The following CACNB2 variants were observed in gnomAD, a reference collection of about 807,000 sequenced individuals.
CACNB2 encodes calcium voltage-gated channel auxiliary subunit beta 2, also known as voltage-dependent L-type calcium channel subunit beta-2.
Under a neutral mutation model 73.3 loss-of-function variants are expected in CACNB2, and 42 were observed. That is an observed-to-expected ratio of 0.57 (90% confidence interval 0.45 to 0.74). CACNB2 has a LOEUF of 0.74. Ranked by LOEUF, CACNB2 falls within the 30% of genes least tolerant of loss-of-function variation. The probability of loss-of-function intolerance (pLI) is 0.00; values close to 1 mark genes in which losing one functional copy is unlikely to be tolerated. For synonymous variants in CACNB2, 348 were observed against 310.3 expected (o/e 1.12, Z -1.28); for missense variants, 940 against 853.0 (o/e 1.10, Z -1.27).
At chr10:18,181,177 A>G (rs2033858803) in intron 2 of CACNB2, among the ~76,000 whole-genome samples, 1 of 151,872 alleles carries the variant, frequency 6.6e-6, no homozygotes, top group South Asian at 2.1e-4. Context: ...CTTGCCCTCT[A>G]GAACTGTGCA....
chr10:18,442,119 C>G (rs752707402), intron 3 of CACNB2, among the ~76,000 whole-genome samples: 1 of 152,030 alleles, frequency 6.6e-6, no homozygotes, highest in Non-Finnish European at 1.5e-5. Context: ...GGATCTGTTC[C>G]TTGTAGTGGA....
At chr10:18,388,582 A>G (rs1460636531) in intron 2 of CACNB2, among the ~76,000 whole-genome samples, 1 of 152,182 alleles carries the variant, frequency 6.6e-6, no homozygotes, top group African/African-American at 2.4e-5. Flanking sequence ...AACCAAAGTC[A>G]TATCTTTCCA....
At chr10:18,384,369 C>A (rs2043138304) in intron 2 of CACNB2, among the ~76,000 whole-genome samples, 1 of 152,046 alleles carries the variant, frequency 6.6e-6, no homozygotes, top group Non-Finnish European at 1.5e-5. Flanking sequence ...AGAAAGGTAT[C>A]CCAAGTCTTT....
At chr10:18,143,986 T>C (rs2030700295) in intron 1 of CACNB2, among the ~76,000 whole-genome samples, 1 of 152,220 alleles carries the variant, frequency 6.6e-6, no homozygotes, top group Non-Finnish European at 1.5e-5. Context: ...AGCATCCTGA[T>C]ACATTCCGGT....
At chr10:18,362,801 G>C (rs1266623828) in intron 2 of CACNB2, among the ~76,000 whole-genome samples, 1 of 152,172 alleles carries the variant, frequency 6.6e-6, no homozygotes. Context: ...CCAGCTACTT[G>C]GGAGGCTGAG....
intron 3 of CACNB2, among the ~76,000 whole-genome samples, chr10:18,424,526 T>G (rs1384931976): frequency 6.6e-6 from 1 of 152,136 alleles, no homozygotes; most frequent in African/African-American, 2.4e-5. Flanking sequence ...GGGCCCTGTT[T>G]TAACTAGTCC....
At chr10:18,408,202 GAACTTAAGGAA>G (rs1173039720) in intron 3 of CACNB2, among the ~76,000 whole-genome samples, 2 of 141,064 alleles carry the variant, frequency 1.4e-5, no homozygotes, top group African/African-American at 5.2e-5. Flanking sequence ...GTTTTCAAAT[GAACTTAAGGAA>G]ACATTCACTA....
intron 1 of CACNB2, among the ~76,000 whole-genome samples, chr10:18,147,620 G>A (rs77247186): frequency 0.016 from 2,502 of 152,210 alleles, 71 homozygotes; most frequent in African/African-American, 0.056. Context: ...GATATTGGGC[G>A]TTCATATATT....
chr10:18,429,523 G>A (rs2045769594), intron 3 of CACNB2, among the ~76,000 whole-genome samples: 1 of 152,060 alleles, frequency 6.6e-6, no homozygotes, highest in Non-Finnish European at 1.5e-5. Context: ...TCAGTGGAAT[G>A]TTTGTTCAAA....
chr10:18,382,813 A>C (rs567956433), intron 2 of CACNB2, among the ~76,000 whole-genome samples: 1 of 152,048 alleles, frequency 6.6e-6, no homozygotes, highest in Non-Finnish European at 1.5e-5. Flanking sequence ...GGTTGATTCC[A>C]TGTCTCTCCT....
intron 2 of CACNB2, among the ~76,000 whole-genome samples, chr10:18,258,036 G>A (rs1459808593): frequency 1.3e-5 from 2 of 152,110 alleles, no homozygotes; most frequent in African/African-American, 4.8e-5. Context: ...GAGCCACCCC[G>A]CCCAGCCTCC....
chr10:18,202,445 G>A (rs899755063), intron 2 of CACNB2, among the ~76,000 whole-genome samples: 23 of 152,028 alleles, frequency 1.5e-4, no homozygotes, highest in Admixed American at 2.0e-4. Context: ...CCAAACCATG[G>A]GATTTTGGGG....
At chr10:18,432,561 A>G (rs1189913781) in intron 3 of CACNB2, among the ~76,000 whole-genome samples, 1 of 152,154 alleles carries the variant, frequency 6.6e-6, no homozygotes, top group Non-Finnish European at 1.5e-5. Flanking sequence ...GGCTGGGTGC[A>G]GTGACTTACA....
chr10:18,529,454 C>G (rs566569953), intron 10 of CACNB2, among the ~76,000 whole-genome samples: 9 of 152,116 alleles, frequency 5.9e-5, no homozygotes, highest in African/African-American at 2.2e-4. Flanking sequence ...GCAAAGTGGT[C>G]GAGCCATGAA....
chr10:18,140,618 G>A lies in CACNB2; in HGVS notation c.-119G>A, dbSNP rs1307702544. The A allele has an allele frequency of 1.0e-5, 8 of 795,884 alleles. No homozygotes were observed. The African/African-American group carries it at 1.3e-4, about 13-fold the overall frequency. 49.3% of individuals were successfully genotyped at this position (795,884 alleles called of 1,614,324 possible). A position where few individuals can be genotyped will look rare whatever the true frequency, so the allele number is the denominator to read the frequency against. ...CGCTGCGGGGCGCTGCGCCGAGAACGGCCGGGCCTGAGCCCTGGGCGGCCC... is the reference window on the plus strand; with the variant it reads ...CGCTGCGGGGCGCTGCGCCGAGAACAGCCGGGCCTGAGCCCTGGGCGGCCC... On this transcript the variant is annotated 5_prime_UTR_variant, in exon 1 of 14. Coordinates refer to ENST00000324631, the MANE Select transcript of CACNB2 (RefSeq NM_201596.3).
chr10:18,267,979 T>G (rs1199979966), intron 2 of CACNB2, among the ~76,000 whole-genome samples: 1 of 152,264 alleles, frequency 6.6e-6, no homozygotes, highest in Non-Finnish European at 1.5e-5. Flanking sequence ...TTAAGTTTTC[T>G]ATGATTATTA....
chr10:18,502,049 C>T (rs896090836), intron 5 of CACNB2, among the ~76,000 whole-genome samples: 2 of 152,186 alleles, frequency 1.3e-5, no homozygotes, highest in African/African-American at 2.4e-5. Flanking sequence ...TGGCTCATGC[C>T]TGTAATCCCA....
intron 2 of CACNB2, among the ~76,000 whole-genome samples, chr10:18,360,739 G>A (rs1364940912): frequency 3.3e-5 from 5 of 152,134 alleles, no homozygotes; most frequent in South Asian, 2.1e-4. Flanking sequence ...CCTCTTAGAC[G>A]ACTTGCTGGC....
intron 2 of CACNB2, among the ~76,000 whole-genome samples, chr10:18,162,464 A>G (rs1027942642): frequency 6.6e-6 from 1 of 152,074 alleles, no homozygotes; most frequent in African/African-American, 2.4e-5. Context: ...TGTGGATCGT[A>G]CTGAAGAACA....
Sources: gnomAD v4.1 joint callset for allele counts (sites outside exome capture counted in the v4.1 genomes callset) on GRCh38, gnomAD v4.1.1 for gene constraint, MANE v1.5 for transcripts, NCBI Gene and HGNC (gene_info 2026-07-23, HGNC 2026-07-21) for gene names.